RAD52: variants seen among roughly 807,000 people sequenced by gnomAD.
RAD52 encodes the protein DNA repair protein RAD52 homolog.
In RAD52, 47 loss-of-function variants were observed where a neutral mutation model predicts 55.5. The observed-to-expected ratio is 0.85, with a 90% CI of 0.67 to 1.08. RAD52 has a LOEUF of 1.08. Among genes scored for constraint, RAD52 ranks in the 50% least tolerant of loss-of-function variants. The pLI is 0.00. For missense variants in RAD52, 468 were observed against 522.8 expected, an observed-to-expected ratio of 0.90 and a Z score of 1.02; for synonymous variants, 184 against 198.9, an observed-to-expected ratio of 0.92 and a Z score of 0.63.
At chr12:965,815 T>G (rs980017215) in intron 1 of RAD52, among the ~76,000 whole-genome samples, 1 of 151,922 alleles carries the variant, frequency 6.6e-6, no homozygotes, top group Non-Finnish European at 1.5e-5. Context: ...GCCTCCTAAG[T>G]AGCTGGGATT....
chr12:960,268 A>G (rs1202339724), intron 1 of RAD52, among the ~76,000 whole-genome samples: 3 of 152,238 alleles, frequency 2.0e-5, no homozygotes, highest in South Asian at 2.1e-4. Flanking sequence ...TGGAAAGAAA[A>G]TAACAGATAT....
chr12:931,408 C>G, intron 2 of RAD52, 87 bp from the exon 3 acceptor site: 2 of 957,808 alleles, frequency 2.1e-6, no homozygotes, highest in Non-Finnish European at 1.5e-6. Context: ...ACTTTATACT[C>G]TTAAAAAGAC....
At chr12:956,444 A>G (rs1434291406) in intron 1 of RAD52, among the ~76,000 whole-genome samples, 1 of 152,246 alleles carries the variant, frequency 6.6e-6, no homozygotes, top group Non-Finnish European at 1.5e-5. Flanking sequence ...ACCACAGTGC[A>G]AATTCTGGAA....
In RAD52 at chr12:933,162, A is replaced by G. The variant is rs964562695; in HGVS notation, c.-18-86T>C. 3.1e-6 allele frequency: 3 copies of G among 982,374 alleles called. No homozygotes were observed. In the African/African-American group the frequency reaches 4.9e-5, roughly 16 times the overall value. The allele number at this position is 982,374 out of a possible 1,614,324, so 60.9% of individuals were successfully genotyped here. A position where few individuals can be genotyped will look rare whatever the true frequency, so the allele number is the denominator to read the frequency against. Reference sequence around the variant, plus strand: ...AAGAGCCTCTACTGAAAAATCACATAAAGAATCCTTATGCGGCCAGGCACA... The same window carrying G: ...AAGAGCCTCTACTGAAAAATCACATGAAGAATCCTTATGCGGCCAGGCACA... On this transcript the variant is annotated intron_variant, in intron 1 of 11. Coordinates refer to ENST00000358495, the MANE Select transcript of RAD52 (RefSeq NM_134424.4).
At chr12:968,730 G>A (rs1457721807) in intron 1 of RAD52, among the ~76,000 whole-genome samples, 2 of 152,038 alleles carry the variant, frequency 1.3e-5, no homozygotes, top group East Asian at 1.9e-4. Context: ...CATATGCATA[G>A]GGCTGTGTGC....
intron 1 of RAD52, among the ~76,000 whole-genome samples, chr12:947,219 G>A (rs1013512250): frequency 6.0e-4 from 92 of 152,106 alleles, no homozygotes; most frequent in African/African-American, 2.0e-3. Context: ...CCAGCTACTC[G>A]GGAGGCTGAG....
intron 1 of RAD52, among the ~76,000 whole-genome samples, chr12:958,139 C>T (rs1051093136): frequency 4.6e-5 from 7 of 152,306 alleles, no homozygotes; most frequent in Middle Eastern, 3.4e-3. Context: ...TCTCCGCAGA[C>T]GGGATTTCTC....
At chr12:979,682 G>C (rs1389318066) in intron 1 of RAD52, among the ~76,000 whole-genome samples, 1 of 152,096 alleles carries the variant, frequency 6.6e-6, no homozygotes, top group Admixed American at 6.6e-5. Context: ...CTTGATCTTG[G>C]ACTTCTAGCC....
At chr12:928,333 G>A (rs1957150487) in intron 5 of RAD52, among the ~76,000 whole-genome samples, 1 of 152,150 alleles carries the variant, frequency 6.6e-6, no homozygotes, top group Non-Finnish European at 1.5e-5. Context: ...CCAACATGGA[G>A]AAACCGCGTC....
chr12:965,886 C>CA (rs532187191), intron 1 of RAD52, among the ~76,000 whole-genome samples: 75 of 152,100 alleles, frequency 4.9e-4, no homozygotes, highest in South Asian at 3.5e-3. Flanking sequence ...AGGGTTTCGC[C>CA]TGTTGGCCAG....
chr12:987,199 G>A (rs1200144690), intron 1 of RAD52, among the ~76,000 whole-genome samples: 1 of 151,896 alleles, frequency 6.6e-6, no homozygotes, highest in Non-Finnish European at 1.5e-5. Context: ...TCAAACTCCT[G>A]ACATCGTGAT....
chr12:932,848 TCACACACG>T (rs1565673222), intron 2 of RAD52, 119 bp downstream of exon 2: 1 of 670,324 alleles, frequency 1.5e-6, no homozygotes, highest in Non-Finnish European at 2.7e-6. Flanking sequence ...TAGGTACTGC[TCACACACG>T]TACTAGGTAA....
chr12:965,354 A>G (rs762358868), intron 1 of RAD52, among the ~76,000 whole-genome samples: 9 of 152,062 alleles, frequency 5.9e-5, no homozygotes, highest in Non-Finnish European at 1.3e-4. Flanking sequence ...TGCATTATTA[A>G]CAAGTACGAC....
At chr12:929,764 C>T (rs779324704) in intron 5 of RAD52, 55 bp downstream of exon 5, 2 of 1,539,966 alleles carry the variant, frequency 1.3e-6, no homozygotes, top group East Asian at 2.2e-5. Context: ...ACCTGCTCAC[C>T]TTCTCCTACC....
chr12:970,301 A>G (rs1958826416), intron 1 of RAD52, among the ~76,000 whole-genome samples: 1 of 145,524 alleles, frequency 6.9e-6, no homozygotes, highest in African/African-American at 2.6e-5. Context: ...CCTGGGCAAC[A>G]GAACAAGACA....
intron 1 of RAD52, among the ~76,000 whole-genome samples, chr12:946,126 C>T (rs1331842830): frequency 6.6e-6 from 1 of 152,166 alleles, no homozygotes. Context: ...CGGGGCCATA[C>T]ACTAATCACT....
intron 1 of RAD52, among the ~76,000 whole-genome samples, chr12:967,706 A>G (rs964813086): frequency 6.6e-6 from 1 of 152,018 alleles, no homozygotes; most frequent in Non-Finnish European, 1.5e-5. Context: ...CCTGGCTCCA[A>G]CGATCCTCCC....
Position 932,998 on chromosome 12 carries a change from C to T in RAD52, c.61G>A (p.Gly21Ser), listed in dbSNP as rs776681920. 22 of 1,613,928 alleles carry T rather than the reference C, an allele frequency of 1.4e-5. No homozygotes were observed. The highest frequency in any genetic ancestry group is 5.0e-5 in the Admixed American group (3 of 60,002). The change falls in exon 2 of 12, where the codon GGC becomes AGC. Residue 21 changes from glycine to serine, a missense_variant. Physicochemically the swap from Gly to Ser is moderately conservative, Grantham distance 56. Coordinates refer to ENST00000358495, the MANE Select transcript of RAD52 (RefSeq NM_134424.4). Reference sequence around the variant, plus strand: ...ACCTGTCCAAAGCATAACACTGAGCCGCCGCCAGCAGCAGGATGGCTGTCA... The same window carrying T: ...ACCTGTCCAAAGCATAACACTGAGCTGCCGCCAGCAGCAGGATGGCTGTCA... ...GRDSHPAAGG[G>S]SVLCFGQCQY...
In RAD52 at chr12:913,069, A is replaced by G. The variant is rs104895061; in HGVS notation, c.*322T>C. 1 of 92,496 alleles carries G rather than the reference A, an allele frequency of 1.1e-5. No homozygotes were observed. Among genetic ancestry groups the G allele is most frequent in the African/African-American group, 5.1e-5 (1 of 19,642 alleles). The allele number at this position is 92,496 out of a possible 1,614,324, so 5.7% of individuals were successfully genotyped here. On this transcript the variant is annotated 3_prime_UTR_variant, in exon 12 of 12. Transcript: ENST00000358495. ...GTCTGGCCTATATTGCTTGAGGGCAAGGAGCCATTGGTGATTCCTAAAATG... is the reference window on the plus strand; with the variant it reads ...GTCTGGCCTATATTGCTTGAGGGCAGGGAGCCATTGGTGATTCCTAAAATG...
Sources: allele counts gnomAD v4.1 joint callset (sites outside exome capture counted in the v4.1 genomes callset), GRCh38; gene constraint gnomAD v4.1.1; transcripts MANE v1.5; gene names NCBI Gene and HGNC (gene_info 2026-07-23, HGNC 2026-07-21).